The following ST6GALNAC4 variants were observed in gnomAD, a reference collection of about 807,000 sequenced individuals.
The protein encoded by ST6GALNAC4 is alpha-N-acetyl-neuraminyl-2,3-beta-galactosyl-1,3-N-acetyl-galactosaminide alpha-2,6-sialyltransferase.
A neutral mutation model predicts 30.4 loss-of-function variants in ST6GALNAC4; 24 were observed. The ratio of observed to expected loss-of-function variants is 0.79; its 90% CI spans 0.57 to 1.11. The LOEUF is 1.11. ST6GALNAC4 is among the 50% of genes most tolerant of loss of function. The pLI, the probability that ST6GALNAC4 is intolerant of heterozygous loss-of-function variation, is 0.00. For synonymous variants in ST6GALNAC4, 156 were observed against 179.7 expected, an observed-to-expected ratio of 0.87 and a Z score of 1.05; for missense variants, 365 against 430.1, an observed-to-expected ratio of 0.85 and a Z score of 1.34.
intron 3 of ST6GALNAC4, among the ~76,000 whole-genome samples, chr9:127,914,027 C>G (rs1831136283): frequency 6.6e-6 from 1 of 152,108 alleles, no homozygotes; most frequent in Non-Finnish European, 1.5e-5. Context: ...TTGCAGTGAG[C>G]TGAGATCGCA....
chr9:127,910,511 C>G (rs1460143511), intron 4 of ST6GALNAC4: 2 of 1,003,960 alleles, frequency 2.0e-6, no homozygotes, highest in East Asian at 2.2e-4. Flanking sequence ...GTGAACCTCT[C>G]TGAGCCTCAT....
chr9:127,912,170 C>G, intron 4 of ST6GALNAC4, 98 bp downstream of exon 4: 1 of 1,469,472 alleles, frequency 6.8e-7, no homozygotes, highest in Non-Finnish European at 9.1e-7. Context: ...GTGCTGACCT[C>G]CCGGGCCTGA....
rs113493787 is a variant in ST6GALNAC4 at position 127,915,100 on chromosome 9, CA to C, written c.13-260del. Among the ~76,000 whole-genome samples the C allele has an allele frequency of 8.3e-3, 1,270 of 152,254 alleles. 16 individuals are homozygous for C. The highest frequency in any genetic ancestry group is 0.029 in the African/African-American group (1,202 of 41,512). On this transcript the variant is annotated intron_variant, in intron 2 of 5. Coordinates refer to ENST00000335791, the MANE Select transcript of ST6GALNAC4 (RefSeq NM_175039.4). ...GCAGTTTGGAGTGAAGTGTGTAGTACAAGGCCATACAGCAAAGAAGCAGCAC... is the reference window on the plus strand; with the variant it reads ...GCAGTTTGGAGTGAAGTGTGTAGTACAGGCCATACAGCAAAGAAGCAGCAC...
intron 3 of ST6GALNAC4, among the ~76,000 whole-genome samples, chr9:127,913,967 G>A (rs1018408967): frequency 1.2e-4 from 18 of 152,166 alleles, no homozygotes; most frequent in African/African-American, 1.2e-4. Flanking sequence ...GGCAAGAACC[G>A]GTGGCGGGAG....
chr9:127,914,840 C>T lies in ST6GALNAC4; in HGVS notation c.14G>A (p.Gly5Asp), dbSNP rs1350006670. ...GCACAGGATGATGAGCACGAGCCGA[C>T]CCTGAGGGAGACAGTGGCCATGGGG... MKAP[G>D]RLVLIILCSV... Residue 5 changes from glycine to aspartate, a missense_variant and splice_region_variant, in exon 3 of 6, where the codon GGT (glycine) becomes GAT (aspartate). Physicochemically the swap from Gly to Asp is moderately conservative, Grantham distance 94. Coordinates refer to ENST00000335791, the MANE Select transcript of ST6GALNAC4 (RefSeq NM_175039.4). 1 of 1,486,906 alleles carries T rather than the reference C, an allele frequency of 6.7e-7. No homozygotes were observed. Among genetic ancestry groups the T allele is most frequent in the South Asian group, 1.3e-5 (1 of 74,408 alleles). The allele number at this position is 1,486,906 out of a possible 1,614,324, so 92.1% of individuals were successfully genotyped here.
chr9:127,914,624 C>A (rs1322317374), intron 3 of ST6GALNAC4, 32 bp downstream of exon 3: 1 of 1,561,754 alleles, frequency 6.4e-7, no homozygotes, highest in Middle Eastern at 1.7e-4. Flanking sequence ...GCTCTCACTA[C>A]CCACCCCGGA....
At chr9:127,916,609 G>A (rs1375284772) in intron 1 of ST6GALNAC4, 115 bp from the exon 2 acceptor site, 2 of 635,574 alleles carry the variant, frequency 3.1e-6, no homozygotes, top group African/African-American at 1.8e-5. Context: ...ATGGCACCCG[G>A]GAATCCAACC....
Position 127,908,040 on chromosome 9 carries a change from G to T in ST6GALNAC4, c.*352C>A. The T allele has an allele frequency of 6.2e-6, 1 of 162,316 alleles. No individual in the cohort carries two copies. The highest frequency in any genetic ancestry group is 1.3e-5 in the Non-Finnish European group (1 of 74,968). 10.1% of individuals were successfully genotyped at this position (162,316 alleles called of 1,614,324 possible). A position where few individuals can be genotyped will look rare whatever the true frequency, so the allele number is the denominator to read the frequency against. ...ACCAAAAGGTGGTAGGAGCGGCTGGGGAGGGAGGACCAGGACTGGCACAAG... is the reference window on the plus strand; with the variant it reads ...ACCAAAAGGTGGTAGGAGCGGCTGGTGAGGGAGGACCAGGACTGGCACAAG... On this transcript the variant is annotated 3_prime_UTR_variant, in exon 6 of 6. Transcript: ENST00000335791.
At position 127,916,476 on chromosome 9, in the gene ST6GALNAC4, AG is replaced by A; in HGVS notation, c.-58del. On this transcript the variant is annotated 5_prime_UTR_variant, in exon 2 of 6. Coordinates refer to ENST00000335791, the MANE Select transcript of ST6GALNAC4 (RefSeq NM_175039.4). Reference sequence around the variant, plus strand: ...GCTGTCTCCAGGGCTGGGGCTGGGAAGGGGTGGGAGCCGGGCACCTGCCAAG... The same window carrying A: ...GCTGTCTCCAGGGCTGGGGCTGGGAAGGGTGGGAGCCGGGCACCTGCCAAG... The A allele has an allele frequency of 6.5e-7, 1 of 1,539,824 alleles. No individual in the cohort carries two copies. The highest frequency in any genetic ancestry group is 8.9e-7 in the Non-Finnish European group (1 of 1,119,674).
chr9:127,908,374 C>G lies in ST6GALNAC4; in HGVS notation c.*18G>C, dbSNP rs772093943. 1 of 1,512,108 alleles carries G rather than the reference C, an allele frequency of 6.6e-7. No homozygotes were observed. Among genetic ancestry groups the G allele is most frequent in the Non-Finnish European group, 8.9e-7 (1 of 1,119,660 alleles). The allele number at this position is 1,512,108 out of a possible 1,614,324, so 93.7% of individuals were successfully genotyped here. A position where few individuals can be genotyped will look rare whatever the true frequency, so the allele number is the denominator to read the frequency against. On this transcript the variant is annotated 3_prime_UTR_variant, in exon 6 of 6. Transcript: ENST00000335791. ...CGGAGGCCTCGCAACGGCATGGCGACTGGCAGGACGACGGAAGCTACTCAG... is the reference window on the plus strand; with the variant it reads ...CGGAGGCCTCGCAACGGCATGGCGAGTGGCAGGACGACGGAAGCTACTCAG...
At chr9:127,915,877 C>T (rs1196897518) in intron 2 of ST6GALNAC4, 2 of 155,954 alleles carry the variant, frequency 1.3e-5, no homozygotes, top group Non-Finnish European at 2.8e-5. Context: ...TACCCCATCA[C>T]CCCACCTGCC....
chr9:127,913,911 C>T (rs55837254), intron 3 of ST6GALNAC4, among the ~76,000 whole-genome samples: 5,177 of 152,244 alleles, frequency 0.034, 123 homozygotes, highest in Middle Eastern at 0.068. Context: ...ACACCTTCAC[C>T]GAGCGCATGA....
chr9:127,908,363 C>T lies in ST6GALNAC4; in HGVS notation c.*29G>A, dbSNP rs530637470. The T allele has an allele frequency of 6.4e-5, 96 of 1,509,804 alleles. 1 individual carries two copies. The highest frequency in any genetic ancestry group is 3.7e-4 in the Admixed American group (19 of 50,690). The allele number at this position is 1,509,804 out of a possible 1,614,324, so 93.5% of individuals were successfully genotyped here. A position where few individuals can be genotyped will look rare whatever the true frequency, so the allele number is the denominator to read the frequency against. ...ATGGGACATCCCGGAGGCCTCGCAACGGCATGGCGACTGGCAGGACGACGG... is the reference window on the plus strand; with the variant it reads ...ATGGGACATCCCGGAGGCCTCGCAATGGCATGGCGACTGGCAGGACGACGG... On this transcript the variant is annotated 3_prime_UTR_variant, in exon 6 of 6. Coordinates refer to ENST00000335791, the MANE Select transcript of ST6GALNAC4 (RefSeq NM_175039.4).
chr9:127,914,823 T>C lies in ST6GALNAC4; in HGVS notation c.31A>G (p.Ile11Val). 6.5e-7 allele frequency: 1 copy of C among 1,530,180 alleles called. No individual in the cohort carries two copies. Among genetic ancestry groups the C allele is most frequent in the Non-Finnish European group, 8.8e-7 (1 of 1,133,844 alleles). The allele number at this position is 1,530,180 out of a possible 1,614,324, so 94.8% of individuals were successfully genotyped here. The change falls in exon 3 of 6, where the codon ATC (isoleucine) becomes GTC (valine). Residue 11 changes from isoleucine to valine, a missense_variant. Coordinates refer to ENST00000335791, the MANE Select transcript of ST6GALNAC4 (RefSeq NM_175039.4). Reference sequence around the variant, plus strand: ...GCAGAGAAGACCACGGAGCACAGGATGATGAGCACGAGCCGACCCTGAGGG... The same window carrying C: ...GCAGAGAAGACCACGGAGCACAGGACGATGAGCACGAGCCGACCCTGAGGG... MKAPGRLVLI[I>V]LCSVVFSAVY...
intron 2 of ST6GALNAC4, 98 bp from the exon 3 acceptor site, chr9:127,914,939 T>C (rs758660484): frequency 1.0e-4 from 121 of 1,172,142 alleles, no homozygotes; most frequent in Non-Finnish European, 1.4e-4. Flanking sequence ...GAGAAGCTCC[T>C]GGGTCTAGAG....
At chr9:127,916,669 A>C (rs1029187003) in intron 1 of ST6GALNAC4, among the ~76,000 whole-genome samples, 157 bp downstream of exon 1, 2 of 152,220 alleles carry the variant, frequency 1.3e-5, no homozygotes, top group African/African-American at 4.8e-5. Flanking sequence ...CTAAAGGAGC[A>C]GGAATCAGCG....
chr9:127,913,826 T>C (rs1166385462), intron 3 of ST6GALNAC4, among the ~76,000 whole-genome samples: 2 of 151,800 alleles, frequency 1.3e-5, no homozygotes, highest in Non-Finnish European at 2.9e-5. Flanking sequence ...GGCAGGCACA[T>C]GGACGGGGTG....
At chr9:127,915,938 GCTTCTAAAAAT>G (rs1007126825) in intron 2 of ST6GALNAC4, 2 of 162,830 alleles carry the variant, frequency 1.2e-5, no homozygotes, top group African/African-American at 4.8e-5. Flanking sequence ...AGCTACGTCA[GCTTCTAAAAAT>G]AAGTCTTTTC....
At chr9:127,911,864 C>T (rs1234548991) in intron 4 of ST6GALNAC4, among the ~76,000 whole-genome samples, 1 of 146,604 alleles carries the variant, frequency 6.8e-6, no homozygotes, top group Non-Finnish European at 1.5e-5. Context: ...CTCAAGTGAT[C>T]CTCCCGCCTT....
Sources: gnomAD v4.1 joint callset for allele counts (sites outside exome capture counted in the v4.1 genomes callset) on GRCh38, gnomAD v4.1.1 for gene constraint, MANE v1.5 for transcripts, NCBI Gene and HGNC (gene_info 2026-07-23, HGNC 2026-07-21) for gene names.